CHFR: variants seen among roughly 807,000 people sequenced by gnomAD.
CHFR encodes the protein E3 ubiquitin-protein ligase CHFR.
Under a neutral mutation model 87.6 loss-of-function variants are expected in CHFR, and 57 were observed. That is an observed-to-expected ratio of 0.65 (90% CI 0.53 to 0.81). CHFR has a LOEUF of 0.81. Ranked by LOEUF, CHFR falls within the 30% of genes least tolerant of loss-of-function variation. The pLI, the probability that CHFR is intolerant of heterozygous loss-of-function variation, is 0.00. For missense variants in CHFR, 797 were observed against 865.8 expected, an observed-to-expected ratio of 0.92 and a Z score of 1.00; for synonymous variants, 381 against 359.2, an observed-to-expected ratio of 1.06 and a Z score of -0.69.
intron 2 of CHFR, among the ~76,000 whole-genome samples, chr12:132,883,587 C>T (rs538645880): frequency 6.6e-6 from 1 of 152,016 alleles, no homozygotes; most frequent in Non-Finnish European, 1.5e-5. Flanking sequence ...ATTAGCCGGG[C>T]ATGGTGGCGG....
chr12:132,863,142 C>T (rs1453263064), intron 6 of CHFR, among the ~76,000 whole-genome samples: 23 of 146,362 alleles, frequency 1.6e-4, no homozygotes, highest in South Asian at 6.6e-4. Flanking sequence ...GTGATCCACC[C>T]ACCTCGGCCT....
In CHFR at chr12:132,839,435, C is replaced by A. The variant is rs1219697025; in HGVS notation, c.*2119G>T. The A allele has an allele frequency of 1.3e-5, 2 of 152,300 alleles. No individual in the cohort carries two copies. The highest frequency in any genetic ancestry group is 2.8e-5 in the Non-Finnish European group (2 of 70,886). 9.4% of individuals were successfully genotyped at this position (152,300 alleles called of 1,614,324 possible). A position where few individuals can be genotyped will look rare whatever the true frequency, so the allele number is the denominator to read the frequency against. On this transcript the variant is annotated 3_prime_UTR_variant, in exon 18 of 18. Transcript: ENST00000450056. Reference sequence around the variant, plus strand: ...ACCTCCCCTCGGCCTCACCCCTGCACAAACTTGGGACCTCCCCCTCTCAGC... The same window carrying A: ...ACCTCCCCTCGGCCTCACCCCTGCAAAAACTTGGGACCTCCCCCTCTCAGC...
At position 132,877,692 on chromosome 12, in the gene CHFR, G is replaced by C. The variant is rs544515173; in HGVS notation, c.134-38C>G. ...GGGTGGGTCAACACGGGATATGATC[G>C]TGGTAACTGTGAACACTACTGCACT... On this transcript the variant is annotated intron_variant, in intron 2 of 17. Transcript: ENST00000450056. The C allele has an allele frequency of 5.7e-5, 79 of 1,384,496 alleles. No homozygotes were observed. The South Asian group carries it at 6.5e-4, about 11-fold the overall frequency. 85.8% of individuals were successfully genotyped at this position (1,384,496 alleles called of 1,614,324 possible).
intron 11 of CHFR, among the ~76,000 whole-genome samples, chr12:132,852,667 A>G (rs755012453): frequency 3.3e-5 from 5 of 152,244 alleles, no homozygotes; most frequent in African/African-American, 4.8e-5. Context: ...AGAGCTGCTG[A>G]GTGGCGGAAG....
chr12:132,853,016 C>A (rs1347969942), intron 11 of CHFR, among the ~76,000 whole-genome samples: 1 of 152,216 alleles, frequency 6.6e-6, no homozygotes. Flanking sequence ...ATTAAGCCAA[C>A]TCTGGTGACG....
At chr12:132,871,873 T>A (rs1043564265) in intron 4 of CHFR, 8 of 170,398 alleles carry the variant, frequency 4.7e-5, no homozygotes, top group Non-Finnish European at 8.7e-5. Context: ...CTTCTGGAGC[T>A]GAAAAAACTT....
At position 132,839,775 on chromosome 12, in the gene CHFR, C is replaced by T. The variant is rs556388372; in HGVS notation, c.*1779G>A. On this transcript the variant is annotated 3_prime_UTR_variant, in exon 18 of 18. Coordinates refer to ENST00000450056, the MANE Select transcript of CHFR (RefSeq NM_001161346.2). ...CATCCATGCACAAACTTGGGACCTC[C>T]CTTCTCGGCCTCACCCCTGCACTAA... The T allele has an allele frequency of 4.7e-5, 8 of 171,530 alleles. No homozygotes were observed. The South Asian group carries it at 7.6e-4, about 16-fold the overall frequency. 10.6% of individuals were successfully genotyped at this position (171,530 alleles called of 1,614,324 possible).
In CHFR at chr12:132,836,971, T is replaced by C. The variant is rs1411445777; in HGVS notation, c.*4583A>G. The C allele has an allele frequency of 5.5e-6, 2 of 361,010 alleles. No homozygotes were observed. Among genetic ancestry groups the C allele is most frequent in the Non-Finnish European group, 1.1e-5 (2 of 183,552 alleles). The allele number at this position is 361,010 out of a possible 1,614,324, so 22.4% of individuals were successfully genotyped here. ...CGGTAAACAGATGTTTCCTTTCCGA[T>C]AGTGACAGGTGCTGGGGGGAAACTA... is the stretch of plus-strand genomic sequence containing the variant. On this transcript the variant is annotated 3_prime_UTR_variant, in exon 18 of 18. Coordinates refer to ENST00000450056, the MANE Select transcript of CHFR (RefSeq NM_001161346.2).
intron 6 of CHFR, among the ~76,000 whole-genome samples, chr12:132,863,364 G>A (rs537365941): frequency 8.6e-5 from 13 of 151,948 alleles, no homozygotes; most frequent in Non-Finnish European, 1.3e-4. Context: ...AAAATTGGCC[G>A]GGTGTGGTGG....
chr12:132,867,124 G>A (rs1435546668), intron 6 of CHFR: 1 of 152,360 alleles, frequency 6.6e-6, no homozygotes, highest in African/African-American at 2.4e-5. Context: ...ATGCAACAAG[G>A]CCTCAAGAAC....
chr12:132,857,118 G>T lies in CHFR; in HGVS notation c.1066+287C>A, dbSNP rs570201098. Among the ~76,000 whole-genome samples the T allele has an allele frequency of 3.0e-3, 396 of 134,082 alleles. 5 individuals are homozygous for T. Among genetic ancestry groups the T allele is most frequent in the African/African-American group, 0.011 (385 of 34,556 alleles). The allele number at this position is 134,082 out of a possible 152,430, so 88.0% of individuals were successfully genotyped here. On this transcript the variant is annotated intron_variant, in intron 9 of 17. Coordinates refer to ENST00000450056, the MANE Select transcript of CHFR (RefSeq NM_001161346.2). The stretch of plus-strand genomic sequence containing the variant: ...GTGGAGGGACAGCCCTCACGTGCCC[G>T]GGTGCTGGTGGAGGGACAGCCCTCA...
intron 14 of CHFR, chr12:132,847,632 G>A: frequency 9.2e-7 from 1 of 1,081,686 alleles, no homozygotes; most frequent in Non-Finnish European, 1.1e-6. Flanking sequence ...TCAGCAAAGT[G>A]CTCGGCAGGA....
At chr12:132,878,500 T>C (rs1000247539) in intron 2 of CHFR, among the ~76,000 whole-genome samples, 1 of 149,388 alleles carries the variant, frequency 6.7e-6, no homozygotes, top group African/African-American at 2.5e-5. Context: ...AATTTTACAA[T>C]ATGCTTGCAT....
At chr12:132,848,834 G>A in intron 12 of CHFR, 110 bp from the exon 13 acceptor site, 2 of 825,058 alleles carry the variant, frequency 2.4e-6, no homozygotes, top group East Asian at 2.8e-5. Flanking sequence ...CATTGTTCAG[G>A]AGGGGTCTCA....
At chr12:132,886,751 T>C (rs1951903446) in intron 2 of CHFR, among the ~76,000 whole-genome samples, 1 of 152,250 alleles carries the variant, frequency 6.6e-6, no homozygotes, top group South Asian at 2.1e-4. Flanking sequence ...GCATCCTAAA[T>C]ACCTTTTGGT....
chr12:132,842,342 T>C (rs548385992), intron 17 of CHFR, among the ~76,000 whole-genome samples: 3 of 152,342 alleles, frequency 2.0e-5, no homozygotes, highest in Non-Finnish European at 4.4e-5. Context: ...GTGAAATCTC[T>C]TTTTGTAACA....
At position 132,853,553 on chromosome 12, in the gene CHFR, C is replaced by T. The variant is rs746360566; in HGVS notation, c.1250G>A (p.Arg417Gln). Reference protein sequence around the residue: ...SDISQPYVVCRQCPEYRRQAA... With the variant: ...SDISQPYVVCQQCPEYRRQAA... ...CTGCCTTCTGTACTCAGGACACTGC[C>T]GGCACACGACGTATGGCTGGCTGCA... The change falls in exon 11 of 18, where the codon CGG becomes CAG. Residue 417 changes from arginine to glutamine, a missense_variant. Transcript: ENST00000450056. 21 of 1,530,862 alleles carry T rather than the reference C, an allele frequency of 1.4e-5. No individual in the cohort carries two copies. The highest frequency in any genetic ancestry group is 2.5e-5 in the East Asian group (1 of 39,468). The allele number at this position is 1,530,862 out of a possible 1,614,324, so 94.8% of individuals were successfully genotyped here. A position where few individuals can be genotyped will look rare whatever the true frequency, so the allele number is the denominator to read the frequency against.
At position 132,880,652 on chromosome 12, in the gene CHFR, C is replaced by T. The variant is rs184496603; in HGVS notation, c.134-2998G>A. 2.0e-3 allele frequency among the ~76,000 whole-genome samples: 260 copies of T among 130,284 alleles called. 1 individual carries two copies. The highest frequency in any genetic ancestry group is 3.4e-3 in the Non-Finnish European group (220 of 64,356). The allele number at this position is 130,284 out of a possible 152,430, so 85.5% of individuals were successfully genotyped here. On this transcript the variant is annotated intron_variant, in intron 2 of 17. Transcript: ENST00000450056. ...CAGCCTGGGCAACAGAGCAAGACTC[C>T]GACTCAAAAAAAGAAAAAAAAAGTC...
chr12:132,858,931 T>C, intron 8 of CHFR, 137 bp downstream of exon 8: 2 of 787,202 alleles, frequency 2.5e-6, no homozygotes, highest in Non-Finnish European at 3.9e-6. Context: ...CACCCACTTA[T>C]CTGGGTGACA....
Sources: allele counts gnomAD v4.1 joint callset (sites outside exome capture counted in the v4.1 genomes callset), GRCh38; gene constraint gnomAD v4.1.1; transcripts MANE v1.5; gene names NCBI Gene and HGNC (gene_info 2026-07-23, HGNC 2026-07-21).